The following HDAC4 variants were observed in gnomAD, a reference collection of about 807,000 sequenced individuals.
The protein encoded by HDAC4 is histone deacetylase 4, also known as histone deacetylase A.
In HDAC4, 16 loss-of-function variants were observed where a neutral mutation model predicts 135.1. That is an observed-to-expected ratio of 0.12 (90% CI 0.08 to 0.18). The LOEUF is 0.18. Among genes scored for constraint, HDAC4 ranks in the 10% least tolerant of loss-of-function variants. The pLI is 1.00. For missense variants in HDAC4, 1,143 were observed against 1,511.8 expected (o/e 0.76, Z 4.05); for synonymous variants, 685 against 653.4 (o/e 1.05, Z -0.74).
intron 2 of HDAC4, among the ~76,000 whole-genome samples, chr2:239,312,242 G>A (rs1392773614): frequency 6.6e-6 from 1 of 152,132 alleles, no homozygotes; most frequent in Non-Finnish European, 1.5e-5. Flanking sequence ...CAGAGGAAAT[G>A]CAGCCCCTCC....
rs553188204 is a variant in HDAC4, at chr2:239,144,313, A to G, written c.865+270T>C. Among the ~76,000 whole-genome samples, 7 of 152,296 alleles carry G rather than the reference A, an allele frequency of 4.6e-5. No individual in the cohort carries two copies. The East Asian group carries it at 1.2e-3, about 25-fold the overall frequency. On this transcript the variant is annotated intron_variant, in intron 8 of 26. Transcript: ENST00000543185. ...TCCTGACTGCATCTCCCGCAGTGCC[A>G]AGCTGGGGCACCCTTGTGCACCTCA...
rs1307517817 is a variant in HDAC4, at chr2:239,139,496, G to A, written c.978+188C>T. Reference sequence around the variant, plus strand: ...GTGTTCATAATGAAAGGAGATGTCTGTGATGAGAGGAAGGCAGGAGAGTAA... The same window carrying A: ...GTGTTCATAATGAAAGGAGATGTCTATGATGAGAGGAAGGCAGGAGAGTAA... On this transcript the variant is annotated intron_variant, in intron 9 of 26. Coordinates refer to ENST00000543185, the MANE Select transcript of HDAC4 (RefSeq NM_001378414.1). This position sits in a 1 kb window ranked among gnomAD's most constrained non-coding sequence, Gnocchi z 5.3. 6.6e-6 allele frequency among the ~76,000 whole-genome samples: 1 copy of A among 152,264 alleles called. No homozygotes were observed. Among genetic ancestry groups the A allele is most frequent in the Non-Finnish European group, 1.5e-5 (1 of 68,054 alleles).
intron 15 of HDAC4, among the ~76,000 whole-genome samples, 185 bp downstream of exon 15, chr2:239,107,865 C>T (rs957377956): frequency 4.6e-5 from 7 of 152,228 alleles, no homozygotes; most frequent in Admixed American, 6.5e-5. Context: ...GAGACAGCCC[C>T]GGGCTTCTCA....
At chr2:239,381,605 C>T (rs1177405012) in intron 1 of HDAC4, among the ~76,000 whole-genome samples, 1 of 152,186 alleles carries the variant, frequency 6.6e-6, no homozygotes, top group Non-Finnish European at 1.5e-5. Context: ...AAAATCCATA[C>T]TGGGCAAATG....
intron 3 of HDAC4, among the ~76,000 whole-genome samples, chr2:239,230,368 C>CAAAAAAAAAAAAAAAAAAAAAAAGAA (rs56105562): frequency 3.8e-5 from 3 of 79,388 alleles, no homozygotes; most frequent in African/African-American, 5.2e-5. Context: ...AGCAAGCAAG[C>CAAAAAAAAAAAAAAAAAAAAAAAGAA]AAAAAAAAAA....
intron 3 of HDAC4, among the ~76,000 whole-genome samples, chr2:239,195,958 C>T (rs1467865268): frequency 6.6e-6 from 1 of 152,138 alleles, no homozygotes; most frequent in African/African-American, 2.4e-5. Context: ...ATGCTTAGGT[C>T]CTCTTCTCAG....
intron 18 of HDAC4, chr2:239,089,676 T>C (rs545222512): frequency 1.2e-4 from 35 of 281,980 alleles, no homozygotes; most frequent in African/African-American, 7.4e-4. Flanking sequence ...TTGTAATCTC[T>C]AATAGAGTCA....
At chr2:239,301,476 T>C (rs1270404459) in intron 2 of HDAC4, among the ~76,000 whole-genome samples, 1 of 145,160 alleles carries the variant, frequency 6.9e-6, no homozygotes, top group African/African-American at 2.5e-5. Flanking sequence ...TCTTTCTTTT[T>C]TTTTTTTTTT....
At chr2:239,130,316 C>G (rs1027067375) in intron 11 of HDAC4, among the ~76,000 whole-genome samples, 3 of 152,164 alleles carry the variant, frequency 2.0e-5, no homozygotes, top group African/African-American at 7.2e-5. Flanking sequence ...TCAAGCCCTT[C>G]CTGGGACTCG....
At chr2:239,251,207 T>G (rs540712802) in intron 2 of HDAC4, among the ~76,000 whole-genome samples, 1 of 152,376 alleles carries the variant, frequency 6.6e-6, no homozygotes, top group South Asian at 2.1e-4. Context: ...ATATCTAAAA[T>G]GTTTTCAAAC....
At chr2:239,289,768 C>T (rs565643938) in intron 2 of HDAC4, among the ~76,000 whole-genome samples, 12 of 152,332 alleles carry the variant, frequency 7.9e-5, no homozygotes, top group South Asian at 6.2e-4. Context: ...GAGCTCTGCC[C>T]GCTGCCTGAT....
chr2:239,087,672 G>A (rs2152711264), intron 18 of HDAC4, 58 bp from the exon 19 acceptor site: 10 of 1,531,460 alleles, frequency 6.5e-6, no homozygotes, highest in East Asian at 2.3e-5. Flanking sequence ...TTGTAGCCAC[G>A]GGAAAATGGT....
At chr2:239,162,048 G>A (rs1575243076) in intron 6 of HDAC4, 1 of 446,178 alleles carries the variant, frequency 2.2e-6, no homozygotes, top group Admixed American at 2.4e-5. Flanking sequence ...GGGGGCGCCA[G>A]CTCCCCACCT....
chr2:239,075,742 A>C (rs928524728), intron 22 of HDAC4, among the ~76,000 whole-genome samples: 14 of 152,152 alleles, frequency 9.2e-5, no homozygotes, highest in African/African-American at 3.4e-4. Context: ...TGCACCCTTC[A>C]CTCGGTCATC....
At chr2:239,223,089 G>A (rs1019651541) in intron 3 of HDAC4, among the ~76,000 whole-genome samples, 1 of 152,184 alleles carries the variant, frequency 6.6e-6, no homozygotes, top group East Asian at 1.9e-4. Context: ...AAATCCCACT[G>A]CAGTTGCTCT....
chr2:239,369,853 G>A (rs1371441990), intron 1 of HDAC4, among the ~76,000 whole-genome samples: 1 of 152,226 alleles, frequency 6.6e-6, no homozygotes, highest in Non-Finnish European at 1.5e-5. Context: ...ACAGTGCAGG[G>A]TGCATGAAAG....
chr2:239,356,423 G>A (rs1693493495), intron 1 of HDAC4, among the ~76,000 whole-genome samples: 1 of 152,110 alleles, frequency 6.6e-6, no homozygotes, highest in Non-Finnish European at 1.5e-5. Context: ...CGTGTGAGGA[G>A]GGACTAAAAA....
At chr2:239,064,840 G>A (rs1232691972) in intron 24 of HDAC4, among the ~76,000 whole-genome samples, 3 of 152,192 alleles carry the variant, frequency 2.0e-5, no homozygotes, top group East Asian at 1.9e-4. Context: ...CGTCCTCTGC[G>A]AGGTGCCCTG....
chr2:239,090,572 G>A (rs2036415722), intron 17 of HDAC4, among the ~76,000 whole-genome samples: 1 of 151,440 alleles, frequency 6.6e-6, no homozygotes, highest in Non-Finnish European at 1.5e-5. Context: ...GAGCCCAGGA[G>A]GTCGAGGCCG....
Sources: gnomAD v4.1 joint callset for allele counts (sites outside exome capture counted in the v4.1 genomes callset) on GRCh38, gnomAD v4.1.1 for gene constraint, Gnocchi (gnomAD v3.1) non-coding constraint, MANE v1.5 for transcripts, NCBI Gene and HGNC (gene_info 2026-07-23, HGNC 2026-07-21) for gene names.